Variants in KCNQ1 observed in about 807,000 individuals in gnomAD.
KCNQ1 encodes potassium voltage-gated channel subfamily Q member 1.
In KCNQ1, 49 loss-of-function variants were observed where a neutral mutation model predicts 72.4. That is an observed-to-expected ratio of 0.68 (90% confidence interval 0.54 to 0.86). The LOEUF (loss-of-function observed/expected upper bound fraction) is 0.86, where lower values mean the gene tolerates loss of function less well. KCNQ1 is among the 40% of genes least tolerant of loss of function. The pLI is 0.00. For synonymous variants in KCNQ1, 450 were observed against 412.6 expected, an observed-to-expected ratio of 1.09 and a Z score of -1.10; for missense variants, 790 against 945.1, an observed-to-expected ratio of 0.84 and a Z score of 2.15.
rs1355291030 is a variant in KCNQ1, at chr11:2,746,490, G to C, written c.1515-22354G>C. Among the ~76,000 whole-genome samples the C allele has an allele frequency of 6.6e-6, 1 of 152,172 alleles. No individual in the cohort carries two copies. Among genetic ancestry groups the C allele is most frequent in the African/African-American group, 2.4e-5 (1 of 41,442 alleles). ...CCGTCTCCCTGGGCTCCTCTGGGCG[G>C]TGACTGTTTCCCAGGCTCTCCTTGT... On this transcript the variant is annotated intron_variant, in intron 11 of 15. Transcript: ENST00000155840. This position sits in a 1 kb window ranked among gnomAD's most constrained non-coding sequence, Gnocchi z 5.9.
rs77420693 is a variant in KCNQ1, at chr11:2,750,874, C to T, written c.1515-17970C>T. The stretch of plus-strand genomic sequence containing the variant: ...ATGAGGGCTGACAGCCTGCGACAAA[C>T]GTCCTCATAATCTCCCCAGGATTTA... On this transcript the variant is annotated intron_variant, in intron 11 of 15. Coordinates refer to ENST00000155840, the MANE Select transcript of KCNQ1 (RefSeq NM_000218.3). This position sits in a 1 kb window ranked among gnomAD's most constrained non-coding sequence, Gnocchi z 6.3. 0.013 allele frequency among the ~76,000 whole-genome samples: 2,034 copies of T among 152,282 alleles called. 26 individuals are homozygous for T. The highest frequency in any genetic ancestry group is 0.021 in the Non-Finnish European group (1,398 of 68,028).
In KCNQ1 at chr11:2,735,084, G is replaced by A. The variant is rs450852; in HGVS notation, c.1515-33760G>A. The stretch of plus-strand genomic sequence containing the variant: ...CCTGCCTTGTCATCACCTGTGCCGT[G>A]GCTGTCAGCGCGCATCTGGCTTACA... On this transcript the variant is annotated intron_variant, in intron 11 of 15. Coordinates refer to ENST00000155840, the MANE Select transcript of KCNQ1 (RefSeq NM_000218.3). This position sits in a 1 kb window ranked among gnomAD's most constrained non-coding sequence, Gnocchi z 7.7. Among the ~76,000 whole-genome samples the A allele has an allele frequency of 0.32, 48,188 of 152,112 alleles. 7,840 individuals are homozygous for A. Among genetic ancestry groups the A allele is most frequent in the Middle Eastern group, 0.37 (110 of 294 alleles).
intron 2 of KCNQ1, among the ~76,000 whole-genome samples, chr11:2,560,799 A>C (rs1413605748): frequency 6.6e-6 from 1 of 151,922 alleles, no homozygotes; most frequent in Non-Finnish European, 1.5e-5. Flanking sequence ...CGGGCCCCTG[A>C]CTTTAGGGCG....
chr11:2,660,321 A>G (rs1590013390), intron 10 of KCNQ1: 1 of 398,370 alleles, frequency 2.5e-6, no homozygotes, highest in East Asian at 3.6e-5. Flanking sequence ...CATACAACAC[A>G]TTCAAATAGT....
chr11:2,665,240 G>C lies in KCNQ1; in HGVS notation c.1514+3159G>C, dbSNP rs1463852739. On this transcript the variant is annotated intron_variant, in intron 11 of 15. Coordinates refer to ENST00000155840, the MANE Select transcript of KCNQ1 (RefSeq NM_000218.3). Reference sequence around the variant, plus strand: ...TTCCTAGGTTGAATGGGGCACAAGAGAGTCCCTGCCAGCCTCAAACTCCCT... The same window carrying C: ...TTCCTAGGTTGAATGGGGCACAAGACAGTCCCTGCCAGCCTCAAACTCCCT... 1.8e-5 allele frequency: 7 copies of C among 398,436 alleles called. 1 individual carries two copies. Among genetic ancestry groups the C allele is most frequent in the Non-Finnish European group, 3.1e-5 (7 of 226,120 alleles). 24.7% of individuals were successfully genotyped at this position (398,436 alleles called of 1,614,324 possible).
intron 10 of KCNQ1, chr11:2,628,234 T>A (rs1849291870): frequency 5.0e-6 from 2 of 398,494 alleles, no homozygotes; most frequent in Non-Finnish European, 8.8e-6. Context: ...AATGACTGTA[T>A]CAATTTACAT....
At chr11:2,846,131 GC>G (rs1357359846) in intron 15 of KCNQ1, among the ~76,000 whole-genome samples, 3 of 152,134 alleles carry the variant, frequency 2.0e-5, no homozygotes, top group African/African-American at 7.2e-5. Context: ...CAGCAGTGGG[GC>G]CGGGCGCATG....
At chr11:2,666,490 G>A in intron 11 of KCNQ1, 1 of 398,692 alleles carries the variant, frequency 2.5e-6, no homozygotes, top group Non-Finnish European at 4.4e-6. Context: ...CATTCGAGTT[G>A]CTCTTTTCCA....
intron 11 of KCNQ1, among the ~76,000 whole-genome samples, chr11:2,742,207 TG>T (rs1015163218): frequency 6.2e-4 from 94 of 152,266 alleles, no homozygotes; most frequent in Non-Finnish European, 9.6e-4. Context: ...GCGGGTGGCT[TG>T]GGGGGTACCA....
chr11:2,496,789 T>A lies in KCNQ1; in HGVS notation c.387-31139T>A, dbSNP rs182681772. On this transcript the variant is annotated intron_variant, in intron 1 of 15. Coordinates refer to ENST00000155840, the MANE Select transcript of KCNQ1 (RefSeq NM_000218.3). ...GTTTCTTCATAGTGTCATTGGTCTT[T>A]ATATTTTGGTGTGGTTTTGCAGTGG... Among the ~76,000 whole-genome samples the A allele has an allele frequency of 6.6e-3, 972 of 147,692 alleles. 8 individuals are homozygous for A. The highest frequency in any genetic ancestry group is 0.022 in the African/African-American group (904 of 41,248).
chr11:2,777,548 C>T, intron 14 of KCNQ1: 1 of 548,570 alleles, frequency 1.8e-6, no homozygotes, highest in Non-Finnish European at 3.2e-6. Context: ...AAGGCACATT[C>T]CCTGGGGTTT....
At chr11:2,843,240 G>A (rs904340908) in intron 15 of KCNQ1, among the ~76,000 whole-genome samples, 5 of 152,216 alleles carry the variant, frequency 3.3e-5, no homozygotes, top group East Asian at 3.8e-4. Flanking sequence ...GCCACGAACC[G>A]CGACCTTACC....
chr11:2,653,003 G>A lies in KCNQ1; in HGVS notation c.1394-8958G>A, dbSNP rs1477939061. 1 of 398,616 alleles carries A rather than the reference G, an allele frequency of 2.5e-6. No homozygotes were observed. The allele number at this position is 398,616 out of a possible 1,614,324, so 24.7% of individuals were successfully genotyped here. A position where few individuals can be genotyped will look rare whatever the true frequency, so the allele number is the denominator to read the frequency against. On this transcript the variant is annotated intron_variant, in intron 10 of 15. Coordinates refer to ENST00000155840, the MANE Select transcript of KCNQ1 (RefSeq NM_000218.3). The surrounding 1 kb of genome is among the most constrained non-coding windows in gnomAD (Gnocchi z 5.3). The stretch of plus-strand genomic sequence containing the variant: ...TGTGTCACATCACTGTCATGCTTGA[G>A]GCAAATCTATTCTGCACACCTTTGA...
chr11:2,457,438 A>G lies in KCNQ1; in HGVS notation c.386+11954A>G, dbSNP rs1194017025. 2.6e-5 allele frequency among the ~76,000 whole-genome samples: 4 copies of G among 152,244 alleles called. No homozygotes were observed. Among genetic ancestry groups the G allele is most frequent in the Non-Finnish European group, 5.9e-5 (4 of 68,048 alleles). On this transcript the variant is annotated intron_variant, in intron 1 of 15. Coordinates refer to ENST00000155840, the MANE Select transcript of KCNQ1 (RefSeq NM_000218.3). This position sits in a 1 kb window ranked among gnomAD's most constrained non-coding sequence, Gnocchi z 5.0. ...AAATGTGATATATATACACCATGGAATACTATGCAGACGTGAAAATCATGT... is the reference window on the plus strand; with the variant it reads ...AAATGTGATATATATACACCATGGAGTACTATGCAGACGTGAAAATCATGT...
At chr11:2,465,326 G>A (rs139812844) in intron 1 of KCNQ1, among the ~76,000 whole-genome samples, 1 of 152,168 alleles carries the variant, frequency 6.6e-6, no homozygotes, top group Non-Finnish European at 1.5e-5. Flanking sequence ...GAGGCCCTGA[G>A]GCCCTGGCTG....
At chr11:2,528,235 G>A (rs1293183006) in intron 2 of KCNQ1, among the ~76,000 whole-genome samples, 2 of 152,220 alleles carry the variant, frequency 1.3e-5, no homozygotes, top group Non-Finnish European at 2.9e-5. Flanking sequence ...AGGACTGAGG[G>A]GAACCTGGAG....
Position 2,811,668 on chromosome 11 carries a change from G to T in KCNQ1, c.1794+33631G>T, listed in dbSNP as rs529298520. Among the ~76,000 whole-genome samples the T allele has an allele frequency of 3.3e-5, 5 of 152,366 alleles. No individual in the cohort carries two copies. The South Asian group carries it at 1.0e-3, about 32-fold the overall frequency. On this transcript the variant is annotated intron_variant, in intron 15 of 15. Transcript: ENST00000155840. ...GCACATTCAGGATGGGGATGTCCCA[G>T]TGGGCGCGCAGCACAAGGGTCAGCA...
Position 2,847,922 on chromosome 11 carries a change from T to G in KCNQ1, c.1950T>G (p.Pro650=). Residue 650 remains proline, a synonymous_variant, in exon 16 of 16, where the codon CCT becomes CCG. Coordinates refer to ENST00000155840, the MANE Select transcript of KCNQ1 (RefSeq NM_000218.3). ...GCGGCAGTGGCGGCTCCGTCGACCC[T>G]GAGCTCTTCCTGCCCAGCAACACCC... ...QPCGSGGSVD[P]ELFLPSNTLP... is the part of the protein sequence containing the mutation. The G allele has an allele frequency of 6.3e-7, 1 of 1,576,252 alleles. No individual in the cohort carries two copies. Among genetic ancestry groups the G allele is most frequent in the Non-Finnish European group, 8.6e-7 (1 of 1,160,780 alleles).
At chr11:2,649,106 C>T (rs1159171551) in intron 10 of KCNQ1, 2 of 391,448 alleles carry the variant, frequency 5.1e-6, no homozygotes, top group East Asian at 3.6e-5. Context: ...GGTGTCTTTA[C>T]AGGTGAAGTC....
Sources: gnomAD v4.1 joint callset for allele counts (sites outside exome capture counted in the v4.1 genomes callset) on GRCh38, gnomAD v4.1.1 for gene constraint, Gnocchi (gnomAD v3.1) non-coding constraint, MANE v1.5 for transcripts, NCBI Gene and HGNC (gene_info 2026-07-23, HGNC 2026-07-21) for gene names.